DOCK6: variants seen among roughly 807,000 people sequenced by gnomAD.
DOCK6 encodes dedicator of cytokinesis 6.
DOCK6 carries 167 observed loss-of-function variants against 230.3 expected under a neutral mutation model. That is an observed-to-expected ratio of 0.73 (90% confidence interval 0.64 to 0.82). The LOEUF (loss-of-function observed/expected upper bound fraction) is 0.82. Among genes scored for constraint, DOCK6 ranks in the 40% least tolerant of loss-of-function variants. The pLI, the probability that DOCK6 is intolerant of heterozygous loss-of-function variation, is 0.00. For synonymous variants in DOCK6, 1,148 were observed against 1,185.0 expected (o/e 0.97, Z 0.64); for missense variants, 2,598 against 2,825.8 (o/e 0.92, Z 1.83).
At chr19:11,256,501 T>C (rs1208433532) in intron 1 of DOCK6, among the ~76,000 whole-genome samples, 1 of 152,088 alleles carries the variant, frequency 6.6e-6, no homozygotes, top group South Asian at 2.1e-4. Context: ...TGAGTGACCA[T>C]CAGTCTCTCA....
chr19:11,215,633 G>A (rs754375370), intron 31 of DOCK6, 162 bp from the exon 32 acceptor site: 9 of 1,324,176 alleles, frequency 6.8e-6, no homozygotes, highest in Admixed American at 2.0e-5. Flanking sequence ...AAACACGAGT[G>A]ACAGATGGGG....
chr19:11,239,762 C>T (rs1414272091), intron 14 of DOCK6: 7 of 1,611,962 alleles, frequency 4.3e-6, no homozygotes, highest in Admixed American at 1.7e-5. Context: ...TTCCATGGGA[C>T]CCTGCAGCTG....
Position 11,245,836 on chromosome 19 carries a change from C to T in DOCK6, c.849G>A (p.Leu283=), listed in dbSNP as rs1428556170. Residue 283 remains leucine (L), a synonymous_variant, in exon 8 of 48, where the codon CTG becomes CTA. Transcript: ENST00000294618. The part of the protein sequence containing the change: ...EIEPIFGILA[L]YDVREKKKIS... ...CCTTCTTTTTCTCCCGCACATCATA[C>T]AGAGCCAAGATCCCAAAGATGGGCT... 1.9e-6 allele frequency: 3 copies of T among 1,572,366 alleles called. No homozygotes were observed. The African/African-American group carries it at 4.1e-5, about 21-fold the overall frequency.
At chr19:11,247,025 C>T (rs184785427) in intron 7 of DOCK6, among the ~76,000 whole-genome samples, 1 of 152,334 alleles carries the variant, frequency 6.6e-6, no homozygotes, top group Admixed American at 6.5e-5. Flanking sequence ...GGACTCTAGG[C>T]ACTTTCAGCA....
chr19:11,227,665 G>C (rs2079691236), intron 23 of DOCK6, among the ~76,000 whole-genome samples, 188 bp from the exon 24 acceptor site: 1 of 151,768 alleles, frequency 6.6e-6, no homozygotes, highest in African/African-American at 2.4e-5. Flanking sequence ...GTGGGCTGAA[G>C]GTAGGTTTGA....
intron 30 of DOCK6, 195 bp downstream of exon 30, chr19:11,216,718 CA>C: frequency 1.6e-6 from 1 of 626,458 alleles, no homozygotes; most frequent in Admixed American, 2.9e-5. Context: ...CTCCACCTTC[CA>C]AATTCTATTC....
At chr19:11,211,941 G>A in intron 36 of DOCK6, 52 bp downstream of exon 36, 1 of 1,582,728 alleles carries the variant, frequency 6.3e-7, no homozygotes, top group South Asian at 1.1e-5. Flanking sequence ...CAAGGTGGTG[G>A]GGTTGGGAGT....
chr19:11,261,591 G>T (rs1386722784), intron 1 of DOCK6, among the ~76,000 whole-genome samples: 1 of 152,144 alleles, frequency 6.6e-6, no homozygotes, highest in Admixed American at 6.5e-5. Context: ...CCCGCCAACT[G>T]GGGGCGAGGC....
At chr19:11,231,004 G>A (rs12463177) in intron 22 of DOCK6, among the ~76,000 whole-genome samples, 3,774 of 152,134 alleles carry the variant, frequency 0.025, 71 homozygotes, top group Non-Finnish European at 0.038. Context: ...ACTGTGCACC[G>A]TGAGGGCCTT....
Position 11,213,161 on chromosome 19 carries a change from C to A in DOCK6, c.4491+15G>T, listed in dbSNP as rs1459373819. 2 of 1,608,538 alleles carry A rather than the reference C, an allele frequency of 1.2e-6. No individual in the cohort carries two copies. Among genetic ancestry groups the A allele is most frequent in the Non-Finnish European group, 1.7e-6 (2 of 1,176,732 alleles). On this transcript the variant is annotated intron_variant, in intron 35 of 47. Transcript: ENST00000294618. ...CAGAGCCATGTGTGGACCATGCCTCCTAGCCCCCACTCACGTGGCCGATCT... is the reference window on the plus strand; with the variant it reads ...CAGAGCCATGTGTGGACCATGCCTCATAGCCCCCACTCACGTGGCCGATCT...
intron 30 of DOCK6, chr19:11,216,708 C>T: frequency 3.3e-6 from 2 of 599,420 alleles, no homozygotes; most frequent in Admixed American, 3.0e-5. Flanking sequence ...TGCACCCGGC[C>T]TCCACCTTCC....
At chr19:11,205,790 AT>A (rs34850891) in intron 39 of DOCK6, 193 of 134,642 alleles carry the variant, frequency 1.4e-3, no homozygotes, top group African/African-American at 1.4e-3. Context: ...AATTTTTTGT[AT>A]TTTTTTTTTT....
chr19:11,215,978 G>A (rs1162989827), intron 30 of DOCK6, 51 bp from the exon 31 acceptor site: 3 of 1,608,558 alleles, frequency 1.9e-6, no homozygotes, highest in Non-Finnish European at 2.6e-6. Context: ...CTTTTCGGGG[G>A]GACCTGGGCT....
chr19:11,206,357 C>T (rs1386921731), intron 39 of DOCK6: 1 of 151,918 alleles, frequency 6.6e-6, no homozygotes, highest in East Asian at 1.9e-4. Context: ...GAGTTCAAGC[C>T]CAGCCTGGGC....
chr19:11,213,809 T>C (rs1277318613), intron 34 of DOCK6, among the ~76,000 whole-genome samples: 1 of 150,826 alleles, frequency 6.6e-6, no homozygotes, highest in African/African-American at 2.4e-5. Context: ...TTTTTTTTTT[T>C]TTTTTGAGAC....
At chr19:11,241,668 C>A in intron 14 of DOCK6, 1 of 1,582,220 alleles carries the variant, frequency 6.3e-7, no homozygotes, top group South Asian at 1.2e-5. Flanking sequence ...AGACTCCACA[C>A]AGCGGCGCTC....
Position 11,236,711 on chromosome 19 carries a change from G to A in DOCK6, c.2160+82C>T, listed in dbSNP as rs2079853917. 1.8e-5 allele frequency: 27 copies of A among 1,526,746 alleles called. No homozygotes were observed. Among genetic ancestry groups the A allele is most frequent in the East Asian group, 2.5e-5 (1 of 40,580 alleles). The allele number at this position is 1,526,746 out of a possible 1,614,324, so 94.6% of individuals were successfully genotyped here. On this transcript the variant is annotated intron_variant, in intron 19 of 47. Transcript: ENST00000294618. The surrounding 1 kb of genome is among the most constrained non-coding windows in gnomAD (Gnocchi z 5.2). ...CCAAGGCCTGAGGCCAGACCTCCCCGGCCATCGGCAACTGTTACTCAATCG... is the reference window on the plus strand; with the variant it reads ...CCAAGGCCTGAGGCCAGACCTCCCCAGCCATCGGCAACTGTTACTCAATCG...
intron 1 of DOCK6, 56 bp downstream of exon 1, chr19:11,262,341 C>G: frequency 2.1e-6 from 2 of 975,514 alleles, no homozygotes; most frequent in Non-Finnish European, 2.5e-6. Flanking sequence ...CGCACCGCCC[C>G]GGGGCGGAGC....
At chr19:11,234,124 C>A (rs1490740518) in intron 21 of DOCK6, among the ~76,000 whole-genome samples, 2 of 152,074 alleles carry the variant, frequency 1.3e-5, no homozygotes, top group African/African-American at 4.8e-5. Context: ...CTCAGCCTCC[C>A]AAGTAGCTGG....
Sources: gnomAD v4.1 joint callset for allele counts (sites outside exome capture counted in the v4.1 genomes callset) on GRCh38, gnomAD v4.1.1 for gene constraint, Gnocchi (gnomAD v3.1) non-coding constraint, MANE v1.5 for transcripts, NCBI Gene and HGNC (gene_info 2026-07-23, HGNC 2026-07-21) for gene names.